DNAH8: variants seen among roughly 807,000 people sequenced by gnomAD.
The protein encoded by DNAH8 is dynein axonemal heavy chain 8.
A neutral mutation model predicts 562.1 loss-of-function variants in DNAH8; 382 were observed. That is an observed-to-expected ratio of 0.68 (90% CI 0.63 to 0.74). The LOEUF (loss-of-function observed/expected upper bound fraction) is 0.74. Among genes scored for constraint, DNAH8 ranks in the 30% least tolerant of loss-of-function variants. The probability of loss-of-function intolerance (pLI) is 0.00; values close to 1 mark genes in which losing one functional copy is unlikely to be tolerated. For missense variants in DNAH8, 5,203 were observed against 5,620.4 expected, an observed-to-expected ratio of 0.93 and a Z score of 2.37; for synonymous variants, 1,881 against 1,919.4, an observed-to-expected ratio of 0.98 and a Z score of 0.52.
intron 23 of DNAH8, among the ~76,000 whole-genome samples, chr6:38,807,250 A>G (rs1451168388): frequency 2.0e-5 from 3 of 152,230 alleles, no homozygotes; most frequent in African/African-American, 7.2e-5. Context: ...TCTTGTGCCC[A>G]TGCCGTTAAT....
At chr6:38,832,995 G>A (rs929357884) in intron 31 of DNAH8, among the ~76,000 whole-genome samples, 31 of 152,124 alleles carry the variant, frequency 2.0e-4, no homozygotes, top group African/African-American at 6.5e-4. Flanking sequence ...CTAATACCAG[G>A]ATATTATGCC....
intron 76 of DNAH8, among the ~76,000 whole-genome samples, chr6:38,935,135 A>G (rs1782849381): frequency 6.6e-6 from 1 of 152,230 alleles, no homozygotes; most frequent in African/African-American, 2.4e-5. Flanking sequence ...GTGCTCCCAT[A>G]GGAACCAGGC....
chr6:39,000,928 G>A (rs1433159928), intron 88 of DNAH8, among the ~76,000 whole-genome samples: 2 of 152,104 alleles, frequency 1.3e-5, no homozygotes, highest in African/African-American at 2.4e-5. Context: ...CTGCAGGACT[G>A]GGGTCAAGGA....
intron 91 of DNAH8, among the ~76,000 whole-genome samples, chr6:39,013,395 G>C (rs770906363): frequency 6.6e-6 from 1 of 152,150 alleles, no homozygotes. Context: ...GTTTCTTGTA[G>C]CAATATAGGT....
chr6:38,762,224 A>G (rs746494677), intron 11 of DNAH8, among the ~76,000 whole-genome samples: 1 of 152,196 alleles, frequency 6.6e-6, no homozygotes, highest in Non-Finnish European at 1.5e-5. Context: ...TGCTTTTGTA[A>G]GATTTAAATA....
intron 76 of DNAH8, 121 bp downstream of exon 76, chr6:38,932,114 A>G (rs1192976765): frequency 5.8e-6 from 4 of 694,226 alleles, no homozygotes; most frequent in African/African-American, 1.9e-5. Flanking sequence ...CCTTGTTAAC[A>G]TAAGTATTTC....
rs1348856931 is a variant in DNAH8 at position 38,842,646 on chromosome 6, C to T, written c.4605-17C>T. On this transcript the variant is annotated splice_polypyrimidine_tract_variant and intron_variant, in intron 34 of 92. Transcript: ENST00000327475. ...AATGTGAAGGTGGCATATTTTTTTT[C>T]TCTTTCTTTCTGAAAGATGTCGTAA... is the stretch of plus-strand genomic sequence containing the variant. 18 of 1,600,000 alleles carry T rather than the reference C, an allele frequency of 1.1e-5. No individual in the cohort carries two copies. The Admixed American group carries it at 1.9e-4, about 17-fold the overall frequency.
intron 8 of DNAH8, among the ~76,000 whole-genome samples, chr6:38,747,709 A>G (rs1765080030): frequency 6.6e-6 from 1 of 152,170 alleles, no homozygotes; most frequent in South Asian, 2.1e-4. Flanking sequence ...TCTTGTAATC[A>G]TCATAACTTT....
intron 52 of DNAH8, among the ~76,000 whole-genome samples, chr6:38,875,042 ACT>A (rs1393059511): frequency 2.0e-5 from 3 of 152,258 alleles, no homozygotes; most frequent in South Asian, 2.1e-4. Flanking sequence ...GCTTTGCACA[ACT>A]CTCTGTCTCA....
intron 30 of DNAH8, among the ~76,000 whole-genome samples, chr6:38,829,540 A>G (rs1206554398): frequency 6.6e-6 from 1 of 152,354 alleles, no homozygotes; most frequent in Non-Finnish European, 1.5e-5. Flanking sequence ...TCGACTTCAT[A>G]TAAAAGCATG....
intron 15 of DNAH8, among the ~76,000 whole-genome samples, chr6:38,780,863 C>T (rs978153348): frequency 1.3e-5 from 2 of 152,060 alleles, no homozygotes; most frequent in African/African-American, 4.8e-5. Flanking sequence ...AAAAAACTAT[C>T]ATATTGCCCC....
chr6:38,930,729 T>C (rs1782492417), intron 75 of DNAH8, among the ~76,000 whole-genome samples: 1 of 152,148 alleles, frequency 6.6e-6, no homozygotes, highest in Non-Finnish European at 1.5e-5. Flanking sequence ...AATCCACAGG[T>C]AAAGATCGTA....
At chr6:38,780,799 A>G (rs985273824) in intron 15 of DNAH8, among the ~76,000 whole-genome samples, 4 of 152,162 alleles carry the variant, frequency 2.6e-5, no homozygotes, top group Non-Finnish European at 4.4e-5. Flanking sequence ...GAGTTTACCT[A>G]TATAACAAAC....
At chr6:38,873,915 C>T (rs2150438160) in intron 52 of DNAH8, among the ~76,000 whole-genome samples, 1 of 151,948 alleles carries the variant, frequency 6.6e-6, no homozygotes, top group South Asian at 2.1e-4. Flanking sequence ...GCAATTTTGG[C>T]TTTGGAAATT....
At position 38,924,507 on chromosome 6, in the gene DNAH8, C is replaced by G. The variant is rs552288824; in HGVS notation, c.10962+345C>G. Among the ~76,000 whole-genome samples the G allele has an allele frequency of 2.4e-4, 37 of 151,608 alleles. 1 individual carries two copies. Among genetic ancestry groups the G allele is most frequent in the Admixed American group, 1.5e-3 (23 of 15,218 alleles). On this transcript the variant is annotated intron_variant, in intron 73 of 92. Transcript: ENST00000327475. ...CAACAAGAGAGAAACTCCATCCCCC[C>G]CCCAAAAAAAAGAAACCCAGGTTCA...
intron 57 of DNAH8, among the ~76,000 whole-genome samples, chr6:38,890,162 G>A (rs1001353281): frequency 6.6e-6 from 1 of 152,144 alleles, no homozygotes; most frequent in African/African-American, 2.4e-5. Context: ...CCTGATTCCA[G>A]TTCTGCCAAT....
At chr6:38,853,470 T>C in intron 41 of DNAH8, 123 bp downstream of exon 41, 1 of 1,054,002 alleles carries the variant, frequency 9.5e-7, no homozygotes, top group Non-Finnish European at 1.4e-6. Flanking sequence ...TAGAGTGGCC[T>C]ACTCACACTC....
intron 82 of DNAH8, 62 bp downstream of exon 82, chr6:38,951,582 C>G: frequency 6.9e-7 from 1 of 1,458,684 alleles, no homozygotes; most frequent in Non-Finnish European, 9.4e-7. Flanking sequence ...CAAATTTTGC[C>G]TTTCGTAATT....
rs184780713 is a variant in DNAH8, at chr6:38,947,636, G to A, written c.12130-1816G>A. ...TGTGGGCAGGGGCAAGGTAGGGCTC[G>A]CAACACCCAGGCCCTGGCATGCAGG... is the stretch of plus-strand genomic sequence containing the variant. On this transcript the variant is annotated intron_variant, in intron 80 of 92. Transcript: ENST00000327475. Among the ~76,000 whole-genome samples the A allele has an allele frequency of 9.2e-5, 14 of 152,280 alleles. No individual in the cohort carries two copies. In the East Asian group the frequency reaches 1.9e-3, roughly 21 times the overall value.
Sources: gnomAD v4.1 joint callset for allele counts (sites outside exome capture counted in the v4.1 genomes callset) on GRCh38, gnomAD v4.1.1 for gene constraint, MANE v1.5 for transcripts, NCBI Gene and HGNC (gene_info 2026-07-23, HGNC 2026-07-21) for gene names.